The following UBTD2 variants were observed in gnomAD, a reference collection of about 807,000 sequenced individuals.
UBTD2 encodes the protein ubiquitin domain-containing protein 2.
UBTD2 carries 9 observed loss-of-function variants against 19.8 expected under a neutral mutation model. The observed-to-expected ratio is 0.46, with a 90% CI of 0.27 to 0.79. UBTD2 has a LOEUF of 0.79. UBTD2 is among the 30% of genes least tolerant of loss of function. The pLI, the probability that UBTD2 is intolerant of heterozygous loss-of-function variation, is 0.14. For missense variants in UBTD2, 250 were observed against 300.4 expected, an observed-to-expected ratio of 0.83 and a Z score of 1.24; for synonymous variants, 98 against 103.9, an observed-to-expected ratio of 0.94 and a Z score of 0.35.
chr5:172,246,190 A>T (rs10059170), intron 1 of UBTD2, among the ~76,000 whole-genome samples: 1 of 152,098 alleles, frequency 6.6e-6, no homozygotes, highest in South Asian at 2.1e-4. Context: ...AGAAACTGAA[A>T]TGCTAATCAA....
chr5:172,225,796 C>CA (rs1771750818), intron 2 of UBTD2, among the ~76,000 whole-genome samples: 1 of 152,066 alleles, frequency 6.6e-6, no homozygotes, highest in Non-Finnish European at 1.5e-5. Context: ...TACAGAAAAC[C>CA]ATCCTCCCAA....
rs140621424 is a variant in UBTD2 at position 172,268,773 on chromosome 5, AGAG to A, written c.70+14820_70+14822del. ...TAAAAAAAGAATGTCATAGGGAAGAAGAGGAGGAGGAGTTCTGGATTTTAAAAG... is the reference window on the plus strand; with the variant it reads ...TAAAAAAAGAATGTCATAGGGAAGAAGAGGAGGAGTTCTGGATTTTAAAAG... On this transcript the variant is annotated intron_variant, in intron 1 of 2. Coordinates refer to ENST00000393792, the MANE Select transcript of UBTD2 (RefSeq NM_152277.3). 6.5e-4 allele frequency among the ~76,000 whole-genome samples: 99 copies of A among 152,310 alleles called. 2 individuals are homozygous for A. In the East Asian group the frequency reaches 0.017, roughly 26 times the overall value.
chr5:172,236,265 T>A (rs1419487978), intron 1 of UBTD2, among the ~76,000 whole-genome samples: 1 of 152,218 alleles, frequency 6.6e-6, no homozygotes, highest in Non-Finnish European at 1.5e-5. Flanking sequence ...ACAGGTGAGT[T>A]CTGAAAGGGT....
At chr5:172,268,226 A>C (rs1044995550) in intron 1 of UBTD2, among the ~76,000 whole-genome samples, 14 of 152,160 alleles carry the variant, frequency 9.2e-5, no homozygotes, top group African/African-American at 3.4e-4. Context: ...GTACTAAGGA[A>C]GTTCAGAAAA....
At chr5:172,243,856 C>T (rs1230518597) in intron 1 of UBTD2, among the ~76,000 whole-genome samples, 1 of 152,004 alleles carries the variant, frequency 6.6e-6, no homozygotes, top group Non-Finnish European at 1.5e-5. Context: ...TTTAAGCCAC[C>T]CAGATAATGG....
At chr5:172,252,263 G>A (rs898061143) in intron 1 of UBTD2, 2 of 152,174 alleles carry the variant, frequency 1.3e-5, no homozygotes, top group African/African-American at 4.8e-5. Context: ...GAGGTTTTAA[G>A]GCTCCACAAG....
chr5:172,270,669 T>C (rs1418635056), intron 1 of UBTD2, among the ~76,000 whole-genome samples: 2 of 152,058 alleles, frequency 1.3e-5, no homozygotes, highest in Non-Finnish European at 2.9e-5. Flanking sequence ...TTTTAGAGTT[T>C]TTCAGATTTG....
At chr5:172,255,950 G>A (rs571564545) in intron 1 of UBTD2, among the ~76,000 whole-genome samples, 39 of 152,064 alleles carry the variant, frequency 2.6e-4, no homozygotes, top group Non-Finnish European at 4.3e-4. Flanking sequence ...TTAGCCGGGC[G>A]TGGTGGCGGA....
intron 1 of UBTD2, among the ~76,000 whole-genome samples, chr5:172,250,322 T>C (rs1003907933): frequency 2.0e-5 from 3 of 152,212 alleles, no homozygotes; most frequent in Admixed American, 2.0e-4. Context: ...TAGTTAACTT[T>C]ACAGTGAAGA....
At chr5:172,244,055 A>G (rs1772187061) in intron 1 of UBTD2, among the ~76,000 whole-genome samples, 1 of 151,980 alleles carries the variant, frequency 6.6e-6, no homozygotes, top group South Asian at 2.1e-4. Context: ...GCAACGTTCT[A>G]TTTGGGCCCA....
intron 1 of UBTD2, among the ~76,000 whole-genome samples, chr5:172,244,343 C>G (rs1772197333): frequency 8.0e-6 from 1 of 125,260 alleles, no homozygotes; most frequent in African/African-American, 3.1e-5. Flanking sequence ...GTTGCCCAGG[C>G]TGGAGTGCAG....
intron 1 of UBTD2, among the ~76,000 whole-genome samples, chr5:172,280,487 G>T (rs1265264344): frequency 6.9e-6 from 1 of 144,064 alleles, no homozygotes; most frequent in African/African-American, 2.6e-5. Flanking sequence ...CGCAGCCTGG[G>T]CGACAGAGCA....
chr5:172,264,660 G>T (rs11738387), intron 1 of UBTD2, among the ~76,000 whole-genome samples: 2 of 151,810 alleles, frequency 1.3e-5, no homozygotes, highest in Admixed American at 6.6e-5. Context: ...GATCACCTGA[G>T]CCCAGGAGTT....
At chr5:172,220,950 T>C (rs1031614911) in intron 2 of UBTD2, among the ~76,000 whole-genome samples, 2 of 152,158 alleles carry the variant, frequency 1.3e-5, no homozygotes, top group African/African-American at 4.8e-5. Flanking sequence ...TATACAAAAG[T>C]CAACTGCTCT....
At chr5:172,238,679 TAAAGCATTCTACCAA>T (rs1772059478) in intron 1 of UBTD2, among the ~76,000 whole-genome samples, 1 of 152,246 alleles carries the variant, frequency 6.6e-6, no homozygotes, top group South Asian at 2.1e-4. Context: ...CTACATAATT[TAAAGCATTCTACCAA>T]AAACTCATTT....
chr5:172,262,867 T>C (rs1755300827), intron 1 of UBTD2, among the ~76,000 whole-genome samples: 1 of 152,222 alleles, frequency 6.6e-6, no homozygotes, highest in Non-Finnish European at 1.5e-5. Context: ...AAATTGTATT[T>C]GTGAAGCTTA....
chr5:172,262,229 C>T (rs144647244), intron 1 of UBTD2, among the ~76,000 whole-genome samples: 2,335 of 151,730 alleles, frequency 0.015, 62 homozygotes, highest in African/African-American at 0.054. Flanking sequence ...GCAGGTGGAT[C>T]ACTTGAGGTA....
intron 1 of UBTD2, chr5:172,254,506 A>G: frequency 1.8e-6 from 1 of 559,492 alleles, no homozygotes; most frequent in Non-Finnish European, 3.2e-6. Context: ...AGTTCATCAG[A>G]CCGAGCAAAC....
At chr5:172,229,887 T>C (rs988264618) in intron 2 of UBTD2, among the ~76,000 whole-genome samples, 1 of 152,228 alleles carries the variant, frequency 6.6e-6, no homozygotes, top group Non-Finnish European at 1.5e-5. Flanking sequence ...ATCTATAACC[T>C]GGTTTCACTG....
Sources: gnomAD v4.1 joint callset for allele counts (sites outside exome capture counted in the v4.1 genomes callset) on GRCh38, gnomAD v4.1.1 for gene constraint, MANE v1.5 for transcripts, NCBI Gene and HGNC (gene_info 2026-07-23, HGNC 2026-07-21) for gene names.